Variants in CCDC33 observed in about 807,000 individuals in gnomAD.
CCDC33 encodes coiled-coil domain-containing protein 33.
Under a neutral mutation model 91.9 loss-of-function variants are expected in CCDC33, and 94 were observed. That is an observed-to-expected ratio of 1.02 (90% CI 0.87 to 1.21). CCDC33 has a LOEUF of 1.21. Ranked by LOEUF, CCDC33 falls within the 50% of genes most tolerant of loss-of-function variation. The probability of loss-of-function intolerance (pLI) is 0.00; values close to 1 mark genes in which losing one functional copy is unlikely to be tolerated. For missense variants in CCDC33, 940 were observed against 935.5 expected (o/e 1.00, Z -0.06); for synonymous variants, 396 against 374.5 (o/e 1.06, Z -0.66).
upstream of CCDC33, chr15:74,213,552 A>G (rs1393036740): frequency 6.6e-6 from 1 of 152,180 alleles, no homozygotes; most frequent in South Asian, 2.1e-4. Flanking sequence ...CTTTCCTCCT[A>G]TTCACCTGCC....
intron 2 of CCDC33, among the ~76,000 whole-genome samples, chr15:74,253,439 C>A (rs1224805765): frequency 2.6e-5 from 4 of 152,164 alleles, no homozygotes; most frequent in Admixed American, 2.6e-4. Context: ...CTCCTCCTAC[C>A]CCTGTGTATT....
chr15:74,324,363 T>C lies in CCDC33; in HGVS notation c.1291-5826T>C, dbSNP rs922767505. Among the ~76,000 whole-genome samples, 8 of 152,116 alleles carry C rather than the reference T, an allele frequency of 5.3e-5. 1 individual carries two copies. The highest frequency in any genetic ancestry group is 1.9e-4 in the African/African-American group (8 of 41,498). On this transcript the variant is annotated intron_variant, in intron 11 of 18. Coordinates refer to ENST00000398814, the MANE Select transcript of CCDC33 (RefSeq NM_025055.5). ...ACCTGCCCCTATCTCTGCCCCATAA[T>C]TCCTCACTCACTTGCCAGTTCTTTA...
intron 2 of CCDC33, among the ~76,000 whole-genome samples, chr15:74,226,982 G>A (rs926024807): frequency 2.0e-5 from 3 of 152,164 alleles, no homozygotes; most frequent in Non-Finnish European, 2.9e-5. Context: ...TGCACAGGAG[G>A]TGCCATCTCT....
intron 2 of CCDC33, among the ~76,000 whole-genome samples, chr15:74,226,650 A>G (rs1404101050): frequency 6.6e-6 from 1 of 152,070 alleles, no homozygotes; most frequent in African/African-American, 2.4e-5. Context: ...AACATGGTGA[A>G]ACCCCGTCTC....
upstream of CCDC33, among the ~76,000 whole-genome samples, chr15:74,214,237 CTGAG>C (rs1300528731): frequency 6.6e-6 from 1 of 152,066 alleles, no homozygotes; most frequent in African/African-American, 2.4e-5. Context: ...CCAGCGGCCT[CTGAG>C]TGGCCATTCT....
At chr15:74,327,581 GC>G (rs2060335227) in intron 11 of CCDC33, among the ~76,000 whole-genome samples, 1 of 152,170 alleles carries the variant, frequency 6.6e-6, no homozygotes, top group African/African-American at 2.4e-5. Flanking sequence ...TTTGCAGAGA[GC>G]CAAGATTGTG....
chr15:74,271,827 G>A (rs1202767381), intron 6 of CCDC33, 33 bp downstream of exon 6: 7 of 1,582,602 alleles, frequency 4.4e-6, no homozygotes, highest in South Asian at 1.1e-5. Context: ...TGGGTGAGGA[G>A]GGCAGAGCAG....
intron 10 of CCDC33, among the ~76,000 whole-genome samples, chr15:74,288,498 G>A (rs753554918): frequency 6.6e-6 from 1 of 152,180 alleles, no homozygotes; most frequent in African/African-American, 2.4e-5. Flanking sequence ...TGCAGCTGAA[G>A]CCTAGCTTTG....
At chr15:74,311,232 G>C (rs1365362489) in intron 11 of CCDC33, among the ~76,000 whole-genome samples, 3 of 152,120 alleles carry the variant, frequency 2.0e-5, no homozygotes, top group African/African-American at 7.2e-5. Context: ...CAAATGTCCA[G>C]ACAGGGCTCC....
chr15:74,254,707 C>T (rs1456875282), intron 2 of CCDC33, among the ~76,000 whole-genome samples: 1 of 151,760 alleles, frequency 6.6e-6, no homozygotes, highest in Non-Finnish European at 1.5e-5. Flanking sequence ...GCTCCTGGCT[C>T]AGTCCTTGGC....
intron 1 of CCDC33, among the ~76,000 whole-genome samples, chr15:74,207,033 G>T (rs894424431): frequency 2.0e-5 from 3 of 152,264 alleles, no homozygotes; most frequent in Non-Finnish European, 2.9e-5. Context: ...GCACAGAGCT[G>T]CTATGCCCCT....
Position 74,218,741 on chromosome 15 carries a change from C to G in CCDC33, c.555C>G (p.Ala185=). ...CAGCCCGACACTGTGGGAGCCTGGC[C>G]TACAGTGTGGCCTTCCACGTCCACC... Residue 185 remains alanine, a synonymous_variant, in exon 2 of 3, where the codon GCC becomes GCG. Coordinates refer to the CCDC33 transcript ENST00000635913. This position sits in a 1 kb window ranked among gnomAD's most constrained non-coding sequence, Gnocchi z 4.8. The G allele has an allele frequency of 3.1e-6, 4 of 1,289,834 alleles. No homozygotes were observed. Among genetic ancestry groups the G allele is most frequent in the Non-Finnish European group, 4.0e-6 (4 of 988,866 alleles). The allele number at this position is 1,289,834 out of a possible 1,614,324, so 79.9% of individuals were successfully genotyped here. A position where few individuals can be genotyped will look rare whatever the true frequency, so the allele number is the denominator to read the frequency against.
intron 11 of CCDC33, chr15:74,319,804 G>C (rs1239382709): frequency 6.6e-6 from 1 of 152,226 alleles, no homozygotes. Context: ...GCTCCTGCAG[G>C]GGCCAATTAG....
upstream of CCDC33, among the ~76,000 whole-genome samples, chr15:74,215,343 G>T (rs767777396): frequency 6.6e-6 from 1 of 152,144 alleles, no homozygotes; most frequent in African/African-American, 2.4e-5. Flanking sequence ...TCACAGAGAC[G>T]GAAAGTAGAA....
At chr15:74,233,040 C>T (rs1334037196), upstream of CCDC33, among the ~76,000 whole-genome samples, 1 of 152,236 alleles carries the variant, frequency 6.6e-6, no homozygotes, top group South Asian at 2.1e-4. Flanking sequence ...AGCCCTTCAA[C>T]AGAAATGTCC....
intron 1 of CCDC33, among the ~76,000 whole-genome samples, chr15:74,240,414 C>G (rs1004908473): frequency 6.6e-6 from 1 of 152,198 alleles, no homozygotes; most frequent in Non-Finnish European, 1.5e-5. Flanking sequence ...TGTGCCCTCA[C>G]AGCAAGGTGA....
intron 15 of CCDC33, among the ~76,000 whole-genome samples, chr15:74,331,540 G>A (rs1567042707): frequency 6.6e-6 from 1 of 152,196 alleles, no homozygotes; most frequent in Non-Finnish European, 1.5e-5. Context: ...GATGCAGTGT[G>A]AGCCAGGCTA....
intron 1 of CCDC33, among the ~76,000 whole-genome samples, chr15:74,240,262 GA>G (rs1202952140): frequency 6.6e-6 from 1 of 152,252 alleles, no homozygotes; most frequent in African/African-American, 2.4e-5. Context: ...GGAGATAGAG[GA>G]GGAGCCGGTG....
intron 10 of CCDC33, among the ~76,000 whole-genome samples, chr15:74,284,296 C>A (rs1379133105): frequency 6.6e-6 from 1 of 152,144 alleles, no homozygotes; most frequent in Non-Finnish European, 1.5e-5. Context: ...CAGCCATGGA[C>A]CTCATTTTGA....
Sources: gnomAD v4.1 joint callset for allele counts (sites outside exome capture counted in the v4.1 genomes callset) on GRCh38, gnomAD v4.1.1 for gene constraint, Gnocchi (gnomAD v3.1) non-coding constraint, MANE v1.5 for transcripts, NCBI Gene and HGNC (gene_info 2026-07-23, HGNC 2026-07-21) for gene names.